The following DPP6 variants were observed in gnomAD, a reference collection of about 807,000 sequenced individuals.
DPP6 encodes the protein A-type potassium channel modulatory protein DPP6.
DPP6 carries 69 observed loss-of-function variants against 122.6 expected under a neutral mutation model. That is an observed-to-expected ratio of 0.56 (90% CI 0.46 to 0.69). The LOEUF is 0.69. Among genes scored for constraint, DPP6 ranks in the 30% least tolerant of loss-of-function variants. The pLI, the probability that DPP6 is intolerant of heterozygous loss-of-function variation, is 0.00. For missense variants in DPP6, 928 were observed against 1,116.9 expected, an observed-to-expected ratio of 0.83 and a Z score of 2.41; for synonymous variants, 418 against 433.1, an observed-to-expected ratio of 0.97 and a Z score of 0.43.
chr7:154,222,884 T>C lies in DPP6; in HGVS notation c.243+169821T>C, dbSNP rs1422989742. Reference sequence around the variant, plus strand: ...ATGGTGTGATTGGCAGGAGCAGAGATGCCACAGCCTTTCAGGTCATGGGAA... The same window carrying C: ...ATGGTGTGATTGGCAGGAGCAGAGACGCCACAGCCTTTCAGGTCATGGGAA... On this transcript the variant is annotated intron_variant, in intron 1 of 25. Transcript: ENST00000377770. Among the ~76,000 whole-genome samples, 2 of 148,888 alleles carry C rather than the reference T, an allele frequency of 1.3e-5. 1 individual carries two copies. Among genetic ancestry groups the C allele is most frequent in the African/African-American group, 5.1e-5 (2 of 38,910 alleles).
At chr7:153,825,480 G>A in the DPP6 span, among the ~76,000 whole-genome samples, 12 of 152,072 alleles carry the variant, frequency 7.9e-5, no homozygotes, top group African/African-American at 2.4e-4. Flanking sequence ...GATGACAGTC[G>A]GTTATCTTCC....
At chr7:154,308,931 T>G (rs947208571) in intron 1 of DPP6, among the ~76,000 whole-genome samples, 1 of 152,224 alleles carries the variant, frequency 6.6e-6, no homozygotes. Context: ...ATTGTGTGCA[T>G]GTGTATGTAT....
intron 17 of DPP6, among the ~76,000 whole-genome samples, chr7:154,859,652 C>A (rs1479589260): frequency 6.6e-6 from 1 of 152,192 alleles, no homozygotes; most frequent in Non-Finnish European, 1.5e-5. Context: ...AGATGTGACT[C>A]TGAATTATTT....
chr7:154,371,401 AAAAG>A (rs55798623), intron 1 of DPP6, among the ~76,000 whole-genome samples: 7,086 of 119,556 alleles, frequency 0.059, 647 homozygotes, highest in African/African-American at 0.22. Context: ...AAAAAAAAAA[AAAAG>A]AAAGAAAGAA....
the DPP6 span, among the ~76,000 whole-genome samples, chr7:153,843,181 TAC>T: frequency 8.0e-5 from 12 of 150,218 alleles, no homozygotes; most frequent in African/African-American, 1.7e-4. Context: ...CACGAGTGCA[TAC>T]ACACGCGTGC....
intron 1 of DPP6, chr7:154,095,839 A>C (rs1328539719): frequency 7.5e-6 from 1 of 133,430 alleles, no homozygotes; most frequent in Non-Finnish European, 1.6e-5. Flanking sequence ...AGCACAGAAA[A>C]GACAGCGTCC....
At chr7:153,884,981 A>C (rs1798851869), upstream of DPP6, among the ~76,000 whole-genome samples, 3 of 84,946 alleles carry the variant, frequency 3.5e-5, no homozygotes, top group Non-Finnish European at 6.3e-5. Flanking sequence ...TCCGTCTCAA[A>C]ACAAAAATAT....
At chr7:154,380,496 C>T (rs1813498224) in intron 1 of DPP6, among the ~76,000 whole-genome samples, 1 of 152,202 alleles carries the variant, frequency 6.6e-6, no homozygotes, top group Non-Finnish European at 1.5e-5. Flanking sequence ...ATTTGCAATT[C>T]TTTAGCATAG....
At chr7:153,778,518 T>C in the DPP6 span, among the ~76,000 whole-genome samples, 1 of 150,212 alleles carries the variant, frequency 6.7e-6, no homozygotes, top group Non-Finnish European at 1.5e-5. Context: ...TATTTAGGTA[T>C]AATTTGTATA....
chr7:154,709,876 CA>C (rs1841069491), intron 7 of DPP6, among the ~76,000 whole-genome samples: 1 of 152,190 alleles, frequency 6.6e-6, no homozygotes. Flanking sequence ...GCATACTGTT[CA>C]GGAAGGTTGG....
intron 18 of DPP6, among the ~76,000 whole-genome samples, chr7:154,869,231 G>C (rs1223094848): frequency 6.6e-6 from 1 of 152,136 alleles, no homozygotes; most frequent in African/African-American, 2.4e-5. Flanking sequence ...GTGTCGCCTG[G>C]AGCCTAGGGT....
intron 1 of DPP6, among the ~76,000 whole-genome samples, chr7:154,234,430 A>G (rs746719518): frequency 6.6e-6 from 1 of 152,166 alleles, no homozygotes; most frequent in African/African-American, 2.4e-5. Flanking sequence ...CTTGCTAAAC[A>G]TTATCCAGAA....
chr7:154,302,226 T>G (rs1031301690), intron 1 of DPP6, among the ~76,000 whole-genome samples: 18 of 152,194 alleles, frequency 1.2e-4, no homozygotes, highest in African/African-American at 4.3e-4. Flanking sequence ...CTGTTCCTTT[T>G]GCCTCCGTGA....
chr7:154,826,046 C>G (rs1800121181), intron 16 of DPP6, among the ~76,000 whole-genome samples: 1 of 152,200 alleles, frequency 6.6e-6, no homozygotes, highest in Non-Finnish European at 1.5e-5. Flanking sequence ...GGAATTACTT[C>G]ACCCTACGTT....
intron 5 of DPP6, among the ~76,000 whole-genome samples, chr7:154,630,757 G>A (rs10254027): frequency 1.3e-5 from 2 of 151,962 alleles, no homozygotes; most frequent in Non-Finnish European, 2.9e-5. Flanking sequence ...ACACCGGGAG[G>A]GGAACATCAC....
chr7:154,202,210 G>T (rs150383626), intron 1 of DPP6, among the ~76,000 whole-genome samples: 9 of 152,258 alleles, frequency 5.9e-5, no homozygotes, highest in African/African-American at 1.9e-4. Context: ...GTGTGTTCTG[G>T]GAATGCAAGG....
intron 1 of DPP6, among the ~76,000 whole-genome samples, chr7:154,317,978 A>T (rs1563468500): frequency 2.0e-5 from 3 of 152,234 alleles, no homozygotes; most frequent in Admixed American, 6.5e-5. Context: ...AGTAAAGAAA[A>T]TACTGACTTT....
At chr7:154,346,891 G>A (rs1047415755) in intron 1 of DPP6, among the ~76,000 whole-genome samples, 5 of 152,150 alleles carry the variant, frequency 3.3e-5, no homozygotes, top group African/African-American at 1.2e-4. Flanking sequence ...ACTAATCTCA[G>A]TGAACTTTCG....
chr7:154,114,994 C>G lies in DPP6; in HGVS notation c.243+61931C>G, dbSNP rs544543434. On this transcript the variant is annotated intron_variant, in intron 1 of 25. Coordinates refer to ENST00000377770, the MANE Select transcript of DPP6 (RefSeq NM_130797.4). ...GGCCGCCTCATGGGCATGCTGACGGCAAGAGTTATGAGGTGTAAACCTGGG... is the reference window on the plus strand; with the variant it reads ...GGCCGCCTCATGGGCATGCTGACGGGAAGAGTTATGAGGTGTAAACCTGGG... 2.0e-5 allele frequency among the ~76,000 whole-genome samples: 3 copies of G among 152,298 alleles called. No homozygotes were observed. The East Asian group carries it at 5.8e-4, about 29-fold the overall frequency.
Sources: gnomAD v4.1 joint callset for allele counts (sites outside exome capture counted in the v4.1 genomes callset) on GRCh38, gnomAD v4.1.1 for gene constraint, MANE v1.5 for transcripts, NCBI Gene and HGNC (gene_info 2026-07-23, HGNC 2026-07-21) for gene names.